Variants in RFTN1 observed in about 807,000 individuals in gnomAD.
RFTN1 encodes the protein raftlin.
RFTN1 carries 26 observed loss-of-function variants against 46.5 expected under a neutral mutation model. That is an observed-to-expected ratio of 0.56 (90% CI 0.41 to 0.78). The LOEUF (loss-of-function observed/expected upper bound fraction) is 0.78. RFTN1 is among the 30% of genes least tolerant of loss of function. The pLI is 0.00. For missense variants in RFTN1, 693 were observed against 718.7 expected, an observed-to-expected ratio of 0.96 and a Z score of 0.41; for synonymous variants, 261 against 284.2, an observed-to-expected ratio of 0.92 and a Z score of 0.82.
chr3:16,447,711 C>T lies in RFTN1; in HGVS notation c.146-13674G>A, dbSNP rs1426535792. Among the ~76,000 whole-genome samples the T allele has an allele frequency of 6.6e-6, 1 of 152,126 alleles. No homozygotes were observed. The highest frequency in any genetic ancestry group is 1.9e-4 in the East Asian group (1 of 5,194). ...GGGGATGTTCTTCAGACTAATACAACGAAGCAATCAGGTGAAAATCATTTC... is the reference window on the plus strand; with the variant it reads ...GGGGATGTTCTTCAGACTAATACAATGAAGCAATCAGGTGAAAATCATTTC... On this transcript the variant is annotated intron_variant, in intron 2 of 9. Coordinates refer to ENST00000334133, the MANE Select transcript of RFTN1 (RefSeq NM_015150.2). The surrounding 1 kb of genome is among the most constrained non-coding windows in gnomAD (Gnocchi z 5.9).
intron 5 of RFTN1, among the ~76,000 whole-genome samples, chr3:16,373,635 CT>C (rs2073617466): frequency 6.6e-6 from 1 of 152,100 alleles, no homozygotes; most frequent in Admixed American, 6.6e-5. Flanking sequence ...CCCAGGAGAC[CT>C]CTGGTCTGGA....
intron 2 of RFTN1, among the ~76,000 whole-genome samples, chr3:16,469,656 T>C (rs2076160468): frequency 6.6e-6 from 1 of 152,168 alleles, no homozygotes; most frequent in African/African-American, 2.4e-5. Context: ...ACCAGGAGCT[T>C]GGGGGCAGAC....
chr3:16,482,590 G>A (rs181177704), intron 2 of RFTN1, among the ~76,000 whole-genome samples: 5 of 152,278 alleles, frequency 3.3e-5, no homozygotes, highest in African/African-American at 4.8e-5. Context: ...TCACACATTC[G>A]TTGCAGAACC....
rs945200097 is a variant in RFTN1, at chr3:16,457,875, G to T, written c.146-23838C>A. ...TTTGAGAGGTGCTTAGGTCATGAGGGCTCAGCCCTTATGAGTGGATTAATA... is the reference window on the plus strand; with the variant it reads ...TTTGAGAGGTGCTTAGGTCATGAGGTCTCAGCCCTTATGAGTGGATTAATA... On this transcript the variant is annotated intron_variant, in intron 2 of 9. Transcript: ENST00000334133. This position sits in a 1 kb window ranked among gnomAD's most constrained non-coding sequence, Gnocchi z 4.2. Among the ~76,000 whole-genome samples the T allele has an allele frequency of 1.3e-5, 2 of 152,120 alleles. No homozygotes were observed. Among genetic ancestry groups the T allele is most frequent in the Non-Finnish European group, 2.9e-5 (2 of 68,028 alleles).
chr3:16,500,460 C>T lies in RFTN1; in HGVS notation c.-8-6583G>A, dbSNP rs2076692920. 6.6e-6 allele frequency among the ~76,000 whole-genome samples: 1 copy of T among 152,142 alleles called. No individual in the cohort carries two copies. The highest frequency in any genetic ancestry group is 1.5e-5 in the Non-Finnish European group (1 of 68,022). ...AAATGGAAGAGGTCTTTCCCCATTT[C>T]TATGGTGAAACAGTGGGGAAATAAT... On this transcript the variant is annotated intron_variant, in intron 1 of 9. Coordinates refer to ENST00000334133, the MANE Select transcript of RFTN1 (RefSeq NM_015150.2). This position sits in a 1 kb window ranked among gnomAD's most constrained non-coding sequence, Gnocchi z 5.9.
At chr3:16,485,186 A>G (rs1272296777) in intron 2 of RFTN1, among the ~76,000 whole-genome samples, 1 of 152,152 alleles carries the variant, frequency 6.6e-6, no homozygotes, top group East Asian at 1.9e-4. Context: ...TTTTTTTCAT[A>G]ATAGCCCCAA....
intron 7 of RFTN1, among the ~76,000 whole-genome samples, chr3:16,357,114 C>CA (rs10563071): frequency 0.22 from 29,630 of 133,258 alleles, 3,319 homozygotes; most frequent in Middle Eastern, 0.36. Flanking sequence ...GATGCCATCT[C>CA]AAAAAAAAAA....
chr3:16,442,447 T>G lies in RFTN1; in HGVS notation c.146-8410A>C, dbSNP rs1276489429. Among the ~76,000 whole-genome samples, 7 of 152,206 alleles carry G rather than the reference T, an allele frequency of 4.6e-5. No homozygotes were observed. The highest frequency in any genetic ancestry group is 1.0e-4 in the Non-Finnish European group (7 of 68,028). On this transcript the variant is annotated intron_variant, in intron 2 of 9. Transcript: ENST00000334133. This position sits in a 1 kb window ranked among gnomAD's most constrained non-coding sequence, Gnocchi z 4.1. Reference sequence around the variant, plus strand: ...AAAAAAAAACTATTCTTTTTTTAAATTTTAATGGATTTTTGTTGTGTATAT... The same window carrying G: ...AAAAAAAAACTATTCTTTTTTTAAAGTTTAATGGATTTTTGTTGTGTATAT...
rs1443081585 is a variant in RFTN1 at position 16,334,881 on chromosome 3, G to C, written c.1147-8005C>G. On this transcript the variant is annotated intron_variant, in intron 7 of 9. Transcript: ENST00000334133. The surrounding 1 kb of genome is among the most constrained non-coding windows in gnomAD (Gnocchi z 4.3). ...GTATAATCACAGGGGTCCTTATAAG[G>C]ACAGGCAGGAAGGCCAGAGTCAGAG... Among the ~76,000 whole-genome samples, 1 of 152,200 alleles carries C rather than the reference G, an allele frequency of 6.6e-6. No homozygotes were observed. The highest frequency in any genetic ancestry group is 1.9e-4 in the East Asian group (1 of 5,192).
intron 4 of RFTN1, 83 bp from the exon 5 acceptor site, chr3:16,378,185 C>A: frequency 1.7e-6 from 2 of 1,148,104 alleles, no homozygotes; most frequent in South Asian, 3.0e-5. Flanking sequence ...AGCGCCTCCC[C>A]GAGGCCTGCG....
rs1337991276 is a variant in RFTN1 at position 16,381,203 on chromosome 3, A to G, written c.442-3101T>C. ...ATACACATACATAAACTATGCATAA[A>G]AACAGTCACCAAAATGAAAACAGCA... On this transcript the variant is annotated intron_variant, in intron 4 of 9. Transcript: ENST00000334133. This position sits in a 1 kb window ranked among gnomAD's most constrained non-coding sequence, Gnocchi z 4.2. Among the ~76,000 whole-genome samples the G allele has an allele frequency of 2.0e-5, 3 of 152,250 alleles. No individual in the cohort carries two copies. The highest frequency in any genetic ancestry group is 4.4e-5 in the Non-Finnish European group (3 of 68,042).
chr3:16,377,569 A>T, intron 5 of RFTN1, 149 bp downstream of exon 5: 1 of 1,286,432 alleles, frequency 7.8e-7, no homozygotes, highest in Non-Finnish European at 1.0e-6. Context: ...TGGCACAGAT[A>T]ACTGCTTGAT....
rs113390667 is a variant in RFTN1, at chr3:16,380,714, C to T, written c.442-2612G>A. Among the ~76,000 whole-genome samples the T allele has an allele frequency of 1.1e-4, 16 of 152,254 alleles. No individual in the cohort carries two copies. The highest frequency in any genetic ancestry group is 3.9e-4 in the East Asian group (2 of 5,178). On this transcript the variant is annotated intron_variant, in intron 4 of 9. Coordinates refer to ENST00000334133, the MANE Select transcript of RFTN1 (RefSeq NM_015150.2). This position sits in a 1 kb window ranked among gnomAD's most constrained non-coding sequence, Gnocchi z 4.8. ...GCAATCTGTGTCTTAACAAGTCCTC[C>T]GAGTGATTCCAATGCAGCCTGATGT...
At chr3:16,386,457 G>A (rs1260240706) in intron 4 of RFTN1, among the ~76,000 whole-genome samples, 1 of 152,142 alleles carries the variant, frequency 6.6e-6, no homozygotes, top group Non-Finnish European at 1.5e-5. Flanking sequence ...CAGAGATATT[G>A]GGCAACTTCC....
In RFTN1 at chr3:16,499,683, C is replaced by A. The variant is rs999137235; in HGVS notation, c.-8-5806G>T. 6.6e-6 allele frequency among the ~76,000 whole-genome samples: 1 copy of A among 152,188 alleles called. No homozygotes were observed. Among genetic ancestry groups the A allele is most frequent in the Admixed American group, 6.5e-5 (1 of 15,284 alleles). ...ATTTATACCATAAGCAACTTATATACCAAGTCTGCTCGAAATGACCATGGC... is the reference window on the plus strand; with the variant it reads ...ATTTATACCATAAGCAACTTATATAACAAGTCTGCTCGAAATGACCATGGC... On this transcript the variant is annotated intron_variant, in intron 1 of 9. Transcript: ENST00000334133. The surrounding 1 kb of genome is among the most constrained non-coding windows in gnomAD (Gnocchi z 4.9).
chr3:16,409,785 C>T (rs937798377), intron 3 of RFTN1, among the ~76,000 whole-genome samples: 3 of 150,120 alleles, frequency 2.0e-5, no homozygotes, highest in Non-Finnish European at 3.0e-5. Flanking sequence ...TCCAGGTTCA[C>T]GCCATTCTCC....
intron 7 of RFTN1, among the ~76,000 whole-genome samples, chr3:16,328,216 A>G (rs529832436): frequency 6.6e-6 from 1 of 152,360 alleles, no homozygotes; most frequent in African/African-American, 2.4e-5. Context: ...GATCCCAGCC[A>G]CAGTCAAAGC....
At chr3:16,495,044 C>T (rs886455729) in intron 1 of RFTN1, among the ~76,000 whole-genome samples, 2 of 151,952 alleles carry the variant, frequency 1.3e-5, no homozygotes, top group African/African-American at 4.8e-5. Context: ...TGGAAGGAGA[C>T]GGTGTAGCGA....
In RFTN1 at chr3:16,457,574, AC is replaced by A. The variant is rs1202026726; in HGVS notation, c.146-23538del. On this transcript the variant is annotated intron_variant, in intron 2 of 9. Coordinates refer to ENST00000334133, the MANE Select transcript of RFTN1 (RefSeq NM_015150.2). This position sits in a 1 kb window ranked among gnomAD's most constrained non-coding sequence, Gnocchi z 4.2. ...TAAGCATTACAAACTTACCTCAAAT[AC>A]CACTTATTTAGTTCTGTAAATTTTA... Among the ~76,000 whole-genome samples the A allele has an allele frequency of 6.6e-6, 1 of 152,114 alleles. No individual in the cohort carries two copies. The highest frequency in any genetic ancestry group is 1.5e-5 in the Non-Finnish European group (1 of 68,032).
Sources: gnomAD v4.1 joint callset for allele counts (sites outside exome capture counted in the v4.1 genomes callset) on GRCh38, gnomAD v4.1.1 for gene constraint, Gnocchi (gnomAD v3.1) non-coding constraint, MANE v1.5 for transcripts, NCBI Gene and HGNC (gene_info 2026-07-23, HGNC 2026-07-21) for gene names.